APOO: variants seen among roughly 807,000 people sequenced by gnomAD.
APOO encodes apolipoprotein O, also known as MICOS complex subunit MIC26.
APOO carries 11 observed loss-of-function variants against 23.1 expected under a neutral mutation model. That is an observed-to-expected ratio of 0.48 (90% CI 0.30 to 0.79). The LOEUF (loss-of-function observed/expected upper bound fraction) is 0.79, where lower values mean the gene tolerates loss of function less well. APOO is among the 30% of genes least tolerant of loss of function. The pLI is 0.07. For synonymous variants in APOO, 59 were observed against 54.8 expected (o/e 1.08, Z -0.34); for missense variants, 160 against 142.7 (o/e 1.12, Z -0.62).
intron 1 of APOO, among the ~76,000 whole-genome samples, chrX:23,897,047 G>A (rs1041807057): frequency 9.0e-6 from 1 of 111,370 alleles, no homozygotes; most frequent in African/African-American, 3.3e-5. Flanking sequence ...ACAGTAATTG[G>A]TATTTCCTAG....
intron 4 of APOO, among the ~76,000 whole-genome samples, chrX:23,872,313 C>T (rs1925654626): frequency 9.0e-6 from 1 of 110,538 alleles, no homozygotes; most frequent in Admixed American, 9.8e-5. Context: ...GGAAGGATTG[C>T]TTGAGCCCAG....
intron 8 of APOO, among the ~76,000 whole-genome samples, chrX:23,834,395 C>CA (rs1215835629): frequency 0.035 from 1,086 of 31,455 alleles, 36 homozygotes; most frequent in African/African-American, 0.086. Flanking sequence ...AACTCTGTCT[C>CA]AAAAAAAAAA....
At chrX:23,901,065 G>A (rs1045071956) in intron 1 of APOO, among the ~76,000 whole-genome samples, 1 of 111,928 alleles carries the variant, frequency 8.9e-6, no homozygotes, top group Admixed American at 9.5e-5. Context: ...GTAATTCTCC[G>A]CGCAGTTCTA....
intron 2 of APOO, 43 bp downstream of exon 2, chrX:23,880,802 A>C (rs1926082816): frequency 1.1e-6 from 1 of 916,860 alleles, no homozygotes; most frequent in Admixed American, 3.4e-5. Context: ...ACAGTAACTA[A>C]ATCAGACACT....
At chrX:23,836,912 A>C (rs753748213) in intron 8 of APOO, 1 of 1,143,964 alleles carries the variant, frequency 8.7e-7, no homozygotes, top group East Asian at 3.1e-5. Context: ...TGGGCTTGAG[A>C]TACTGAACAA....
intron 1 of APOO, among the ~76,000 whole-genome samples, chrX:23,900,774 A>C (rs949799634): frequency 1.8e-5 from 2 of 110,935 alleles, no homozygotes; most frequent in African/African-American, 6.6e-5. Context: ...GCTACAGAGC[A>C]GTTTTTTCTT....
intron 1 of APOO, among the ~76,000 whole-genome samples, chrX:23,889,930 G>A (rs1000187476): frequency 3.6e-5 from 4 of 110,295 alleles, no homozygotes; most frequent in Non-Finnish European, 7.6e-5. Flanking sequence ...CAAAGTGCTG[G>A]GATTACAGGC....
intron 4 of APOO, among the ~76,000 whole-genome samples, chrX:23,871,966 T>G (rs1007019626): frequency 8.9e-6 from 1 of 112,228 alleles, no homozygotes; most frequent in African/African-American, 3.2e-5. Flanking sequence ...TTTGCATTAA[T>G]TACTGTCTGG....
chrX:23,869,054 G>A (rs1205806666), intron 4 of APOO, among the ~76,000 whole-genome samples: 4 of 108,816 alleles, frequency 3.7e-5, no homozygotes, highest in Non-Finnish European at 5.7e-5. Context: ...GATTACAAGC[G>A]CCCGCCACCA....
chrX:23,899,250 T>TA lies in APOO; in HGVS notation c.9+8443dup, dbSNP rs1927029621. ...ACAATATTCACTTAAAATTCAACTATACTATCCATAATGCATAAAGCTGTA... is the reference window on the plus strand; with the variant it reads ...ACAATATTCACTTAAAATTCAACTATAACTATCCATAATGCATAAAGCTGTA... On this transcript the variant is annotated intron_variant, in intron 1 of 8. Coordinates refer to ENST00000379226, the MANE Select transcript of APOO (RefSeq NM_024122.5). Among the ~76,000 whole-genome samples, 4 of 112,477 alleles carry TA rather than the reference T, an allele frequency of 3.6e-5. No individual in the cohort carries two copies. The South Asian group carries it at 1.4e-3, about 41-fold the overall frequency.
At chrX:23,849,612 TC>T (rs1924436604) in intron 7 of APOO, among the ~76,000 whole-genome samples, 1 of 47,855 alleles carries the variant, frequency 2.1e-5, no homozygotes, top group East Asian at 1.1e-3. Context: ...AAAAAAAAGT[TC>T]GGGCATGGTG....
At chrX:23,885,733 A>G (rs1019807062) in intron 1 of APOO, among the ~76,000 whole-genome samples, 31 of 110,358 alleles carry the variant, frequency 2.8e-4, no homozygotes, top group African/African-American at 9.9e-4. Context: ...CTCTTCTCCT[A>G]TTAGTTTTCC....
At chrX:23,890,433 A>G (rs776469353) in intron 1 of APOO, among the ~76,000 whole-genome samples, 1 of 112,161 alleles carries the variant, frequency 8.9e-6, no homozygotes, top group South Asian at 3.7e-4. Flanking sequence ...GGCCACGAGA[A>G]GAGCTTCTAG....
intron 7 of APOO, among the ~76,000 whole-genome samples, chrX:23,853,608 G>A (rs779627123): frequency 1.4e-4 from 14 of 101,813 alleles, no homozygotes; most frequent in Admixed American, 1.1e-3. Context: ...GAGCCCGACC[G>A]TTTTTTTTTT....
chrX:23,839,394 G>T (rs1923867027), intron 8 of APOO, among the ~76,000 whole-genome samples: 1 of 111,237 alleles, frequency 9.0e-6, no homozygotes, highest in South Asian at 3.8e-4. Context: ...TTGAGGCTGG[G>T]GGTTGGGCCA....
chrX:23,863,670 A>C (rs780057459), intron 5 of APOO, among the ~76,000 whole-genome samples: 83 of 111,074 alleles, frequency 7.5e-4, no homozygotes, highest in African/African-American at 2.5e-3. Flanking sequence ...GTAGTTCAAC[A>C]GCACGGCAGA....
chrX:23,869,928 G>A (rs1925530404), intron 4 of APOO, among the ~76,000 whole-genome samples: 1 of 107,042 alleles, frequency 9.3e-6, no homozygotes, highest in Non-Finnish European at 1.9e-5. Flanking sequence ...CTCCAGCATG[G>A]GTGACAGAGC....
At chrX:23,854,935 G>T (rs1924713542) in intron 7 of APOO, among the ~76,000 whole-genome samples, 1 of 110,981 alleles carries the variant, frequency 9.0e-6, no homozygotes, top group Non-Finnish European at 1.9e-5. Flanking sequence ...TCTTGATATT[G>T]GTATAGAATT....
chrX:23,863,523 G>C (rs767046540), intron 5 of APOO, among the ~76,000 whole-genome samples: 1 of 111,933 alleles, frequency 8.9e-6, no homozygotes, highest in African/African-American at 3.2e-5. Context: ...ACATGGCTTT[G>C]AAAGTTTTGA....
Sources: gnomAD v4.1 joint callset for allele counts (sites outside exome capture counted in the v4.1 genomes callset) on GRCh38, gnomAD v4.1.1 for gene constraint, MANE v1.5 for transcripts, NCBI Gene and HGNC (gene_info 2026-07-23, HGNC 2026-07-21) for gene names.